NAALADL2: variants seen among roughly 807,000 people sequenced by gnomAD.
The protein encoded by NAALADL2 is N-acetylated alpha-linked acidic dipeptidase like 2, also known as inactive N-acetylated-alpha-linked acidic dipeptidase-like protein 2.
A neutral mutation model predicts 87.2 loss-of-function variants in NAALADL2; 76 were observed. That is an observed-to-expected ratio of 0.87 (90% CI 0.72 to 1.05). The LOEUF (loss-of-function observed/expected upper bound fraction) is 1.05, where lower values mean the gene tolerates loss of function less well. Among genes scored for constraint, NAALADL2 ranks in the 50% least tolerant of loss-of-function variants. The probability of loss-of-function intolerance (pLI) is 0.00; values close to 1 mark genes in which losing one functional copy is unlikely to be tolerated. For synonymous variants in NAALADL2, 354 were observed against 331.0 expected, an observed-to-expected ratio of 1.07 and a Z score of -0.75; for missense variants, 1,089 against 945.8, an observed-to-expected ratio of 1.15 and a Z score of -1.99.
At chr3:175,187,030 T>C (rs1392757846) in intron 2 of NAALADL2, among the ~76,000 whole-genome samples, 1 of 152,118 alleles carries the variant, frequency 6.6e-6, no homozygotes, top group Admixed American at 6.6e-5. Flanking sequence ...TAAAATCAAA[T>C]TCAAAAAGCT....
At position 175,255,414 on chromosome 3, in the gene NAALADL2, G is replaced by A. The variant is rs116787451; in HGVS notation, c.820-997G>A. On this transcript the variant is annotated intron_variant, in intron 3 of 13. Coordinates refer to ENST00000454872, the MANE Select transcript of NAALADL2 (RefSeq NM_207015.3). ...CAATCGAGAAGGATGGAAAGCTGGTGATCTGGATTCTCCATCTTTATTTTT... is the reference window on the plus strand; with the variant it reads ...CAATCGAGAAGGATGGAAAGCTGGTAATCTGGATTCTCCATCTTTATTTTT... 1.4e-3 allele frequency among the ~76,000 whole-genome samples: 216 copies of A among 152,206 alleles called. 2 individuals carry two copies. Among genetic ancestry groups the A allele is most frequent in the African/African-American group, 5.0e-3 (206 of 41,532 alleles).
At chr3:174,657,568 C>T (rs1014321081) in intron 2 of NAALADL2, among the ~76,000 whole-genome samples, 19 of 152,094 alleles carry the variant, frequency 1.2e-4, no homozygotes, top group Non-Finnish European at 2.6e-4. Flanking sequence ...GCACAGCCTC[C>T]CCCACTATCA....
At chr3:174,680,793 C>A (rs1410397028) in intron 2 of NAALADL2, among the ~76,000 whole-genome samples, 1 of 152,124 alleles carries the variant, frequency 6.6e-6, no homozygotes, top group Non-Finnish European at 1.5e-5. Context: ...CAAATAGAAG[C>A]CTCCACTGAT....
intron 3 of NAALADL2, among the ~76,000 whole-genome samples, chr3:174,812,802 G>T (rs1380966558): frequency 4.6e-5 from 7 of 151,078 alleles, no homozygotes; most frequent in Non-Finnish European, 1.0e-4. Context: ...GTAAATAAAG[G>T]CAATTAAAAA....
At chr3:175,588,254 A>G (rs13059075) in intron 10 of NAALADL2, among the ~76,000 whole-genome samples, 99,350 of 151,990 alleles carry the variant, frequency 0.65, 34,367 homozygotes, top group East Asian at 0.85. Context: ...TGAGCCAATT[A>G]TTATAGAGTC....
At chr3:175,109,230 T>C (rs1475557886) in intron 2 of NAALADL2, among the ~76,000 whole-genome samples, 1 of 151,898 alleles carries the variant, frequency 6.6e-6, no homozygotes, top group African/African-American at 2.4e-5. Flanking sequence ...TCTAATTTAA[T>C]GATTTATGCT....
chr3:174,607,210 T>C (rs1719187902), intron 2 of NAALADL2, among the ~76,000 whole-genome samples: 1 of 151,596 alleles, frequency 6.6e-6, no homozygotes, highest in Admixed American at 6.6e-5. Flanking sequence ...CGCTGCAAAA[T>C]CATGCCAAAA....
chr3:175,294,878 A>G (rs1756121791), intron 4 of NAALADL2, among the ~76,000 whole-genome samples: 1 of 152,168 alleles, frequency 6.6e-6, no homozygotes, highest in Admixed American at 6.5e-5. Flanking sequence ...CATGCATGTG[A>G]GTCGCTATAG....
chr3:174,702,202 G>C (rs1161278364), intron 2 of NAALADL2, among the ~76,000 whole-genome samples: 1 of 151,782 alleles, frequency 6.6e-6, no homozygotes, highest in African/African-American at 2.4e-5. Context: ...GTGCTTATTT[G>C]TTATCCATAT....
chr3:175,194,806 C>T (rs919605929), intron 2 of NAALADL2, among the ~76,000 whole-genome samples: 1 of 151,686 alleles, frequency 6.6e-6, no homozygotes, highest in Non-Finnish European at 1.5e-5. Context: ...TAAGGAACCA[C>T]ATCCTTGTAA....
At chr3:174,620,597 A>G (rs949102902) in intron 2 of NAALADL2, among the ~76,000 whole-genome samples, 6 of 152,060 alleles carry the variant, frequency 3.9e-5, no homozygotes, top group Non-Finnish European at 8.8e-5. Flanking sequence ...GAGAATATTT[A>G]GGACTCTCTG....
At chr3:175,107,530 A>T (rs944300216) in intron 2 of NAALADL2, among the ~76,000 whole-genome samples, 31 of 151,648 alleles carry the variant, frequency 2.0e-4, no homozygotes, top group African/African-American at 7.3e-4. Flanking sequence ...ACACACACAC[A>T]CACAAACACA....
At position 175,755,359 on chromosome 3, in the gene NAALADL2, C is replaced by T. The variant is rs1199018780; in HGVS notation, c.2130C>T (p.Asp710=). Residue 710 remains aspartate, a synonymous_variant, in exon 13 of 14, where the codon GAC becomes GAT. Coordinates refer to ENST00000454872, the MANE Select transcript of NAALADL2 (RefSeq NM_207015.3). ...RAPIRIRMLN[D]ILQDMEKSFL... ...CCATCCGCATCCGGATGCTGAATGA[C>T]ATTCTCCAAGACATGGAGAAAAGCT... is the stretch of plus-strand genomic sequence containing the variant. 3 of 1,612,148 alleles carry T rather than the reference C, an allele frequency of 1.9e-6. No homozygotes were observed. The East Asian group carries it at 6.7e-5, about 36-fold the overall frequency.
At chr3:174,581,365 A>G (rs1276259311) in intron 2 of NAALADL2, among the ~76,000 whole-genome samples, 4 of 152,172 alleles carry the variant, frequency 2.6e-5, no homozygotes, top group Admixed American at 2.6e-4. Context: ...TTCAGAGGAA[A>G]GGTGTATTTT....
intron 2 of NAALADL2, among the ~76,000 whole-genome samples, chr3:175,113,692 A>C (rs904197583): frequency 4.6e-5 from 7 of 151,572 alleles, no homozygotes; most frequent in Non-Finnish European, 7.4e-5. Context: ...AAAAGAGGCT[A>C]GTTGGACCCT....
chr3:175,401,400 G>A (rs1328326556), intron 5 of NAALADL2, among the ~76,000 whole-genome samples: 1 of 152,050 alleles, frequency 6.6e-6, no homozygotes, highest in African/African-American at 2.4e-5. Flanking sequence ...AAAAGTCAAA[G>A]GATTTATATT....
intron 5 of NAALADL2, among the ~76,000 whole-genome samples, chr3:175,399,134 A>G (rs893163602): frequency 6.6e-6 from 1 of 152,028 alleles, no homozygotes; most frequent in Non-Finnish European, 1.5e-5. Context: ...TCATGAGGAG[A>G]TGTGCTCTGC....
chr3:175,271,589 C>T (rs561340246), intron 4 of NAALADL2, among the ~76,000 whole-genome samples: 3 of 152,024 alleles, frequency 2.0e-5, no homozygotes, highest in Non-Finnish European at 2.9e-5. Context: ...GTCAGGAGCT[C>T]GAGACCAGCC....
chr3:175,565,162 G>A (rs1419190520), intron 9 of NAALADL2, among the ~76,000 whole-genome samples: 1 of 152,128 alleles, frequency 6.6e-6, no homozygotes, highest in African/African-American at 2.4e-5. Flanking sequence ...GTTGAAGAGA[G>A]CAACAATCTA....
Sources: allele counts gnomAD v4.1 joint callset (sites outside exome capture counted in the v4.1 genomes callset), GRCh38; gene constraint gnomAD v4.1.1; transcripts MANE v1.5; gene names NCBI Gene and HGNC (gene_info 2026-07-23, HGNC 2026-07-21).